Variants in CAGE1 observed in about 807,000 individuals in gnomAD.
CAGE1 encodes cancer antigen 1, also known as cancer-associated gene 1 protein.
A neutral mutation model predicts 94.9 loss-of-function variants in CAGE1; 66 were observed. The observed-to-expected ratio is 0.70, with a 90% CI of 0.57 to 0.85. CAGE1 has a LOEUF of 0.85. Among genes scored for constraint, CAGE1 ranks in the 40% least tolerant of loss-of-function variants. The pLI is 0.00. For missense variants in CAGE1, 865 were observed against 950.4 expected, an observed-to-expected ratio of 0.91 and a Z score of 1.18; for synonymous variants, 319 against 321.0, an observed-to-expected ratio of 0.99 and a Z score of 0.07.
At chr6:7,349,687 C>A (rs549946996) in intron 11 of CAGE1, among the ~76,000 whole-genome samples, 45 of 152,216 alleles carry the variant, frequency 3.0e-4, no homozygotes, top group African/African-American at 1.1e-3. Flanking sequence ...AATCCCAGCA[C>A]TTTTGGAGGC....
Position 7,339,220 on chromosome 6 carries a change from T to C in CAGE1, c.2370-5130A>G. On this transcript the variant is annotated intron_variant, in intron 11 of 13. Transcript: ENST00000502583. This position sits in a 1 kb window ranked among gnomAD's most constrained non-coding sequence, Gnocchi z 4.7. ...AACCGCGACACACCATAGCAGGCCC[T>C]CCGCACAGCAAGCCCTCCTAGGAGT... 1 of 1,568,594 alleles carries C rather than the reference T, an allele frequency of 6.4e-7. No individual in the cohort carries two copies.
rs1255788436 is a variant in CAGE1, at chr6:7,374,035, G to C, written c.784C>G (p.Pro262Ala). ...GAAGACCAAGTTGAGACAATTTCTG[G>C]CCTCTCCACACCCTCTGCTGTGACT... ...KEVTAEGVER[P>A]EIVSTWSSAG... Residue 262 changes from proline to alanine, a missense_variant, in exon 5 of 14, where the codon CCA (proline) becomes GCA (alanine). Transcript: ENST00000502583. The C allele has an allele frequency of 1.9e-6, 3 of 1,613,822 alleles. No individual in the cohort carries two copies. In the East Asian group the frequency reaches 6.7e-5, roughly 36 times the overall value.
intron 5 of CAGE1, among the ~76,000 whole-genome samples, chr6:7,371,979 T>A (rs1024213803): frequency 2.7e-5 from 4 of 148,034 alleles, no homozygotes; most frequent in African/African-American, 1.1e-4. Flanking sequence ...GGTTCTTCGC[T>A]GCCAAAAAAG....
intron 11 of CAGE1, among the ~76,000 whole-genome samples, chr6:7,344,015 G>A (rs1405686142): frequency 6.6e-6 from 1 of 152,228 alleles, no homozygotes; most frequent in Non-Finnish European, 1.5e-5. Flanking sequence ...GACAGATCTG[G>A]ACTTAAGTGT....
In CAGE1 at chr6:7,352,933, A is replaced by G. The variant is rs146238141; in HGVS notation, c.2369+2108T>C. ...GGACTTAAATCTAAGTGCTGAAACT[A>G]TAAAAATTCTAGAAGATAACATTGG... On this transcript the variant is annotated intron_variant, in intron 11 of 13. Coordinates refer to ENST00000502583, the MANE Select transcript of CAGE1 (RefSeq NM_001170692.2). Among the ~76,000 whole-genome samples the G allele has an allele frequency of 8.4e-4, 128 of 152,366 alleles. 1 individual carries two copies. Among genetic ancestry groups the G allele is most frequent in the African/African-American group, 2.6e-3 (109 of 41,594 alleles).
chr6:7,372,410 G>T (rs1471983559), intron 5 of CAGE1, among the ~76,000 whole-genome samples: 17 of 150,096 alleles, frequency 1.1e-4, no homozygotes, highest in African/African-American at 4.0e-4. Context: ...GGCAGAGGTT[G>T]CAGTGAGCCA....
At chr6:7,360,704 G>A (rs1760135248) in intron 9 of CAGE1, among the ~76,000 whole-genome samples, 1 of 152,174 alleles carries the variant, frequency 6.6e-6, no homozygotes, top group South Asian at 2.1e-4. Flanking sequence ...AACACTTTGG[G>A]AGGCCAAGGC....
intron 7 of CAGE1, among the ~76,000 whole-genome samples, 189 bp downstream of exon 7, chr6:7,368,499 C>T (rs144825280): frequency 0.011 from 1,705 of 152,070 alleles, 27 homozygotes; most frequent in African/African-American, 0.039. Flanking sequence ...TTTTCCCATA[C>T]AGACAAACAA....
chr6:7,379,748 A>C (rs1760870104), intron 3 of CAGE1, among the ~76,000 whole-genome samples: 1 of 152,174 alleles, frequency 6.6e-6, no homozygotes. Flanking sequence ...TGATTTATGT[A>C]TCCTAAATAA....
chr6:7,344,154 A>AT (rs1327961143), intron 11 of CAGE1, among the ~76,000 whole-genome samples: 1 of 152,202 alleles, frequency 6.6e-6, no homozygotes, highest in East Asian at 1.9e-4. Context: ...CTGCACTGTG[A>AT]GAGCCCCTTT....
Position 7,387,105 on chromosome 6 carries a change from A to G in CAGE1, c.69T>C (p.Ser23=). The G allele has an allele frequency of 6.4e-7, 1 of 1,551,396 alleles. No homozygotes were observed. Among genetic ancestry groups the G allele is most frequent in the Non-Finnish European group, 8.7e-7 (1 of 1,146,722 alleles). Residue 23 remains serine (S), a synonymous_variant, in exon 2 of 14, where the codon TCT becomes TCC. Transcript: ENST00000502583. ...CTGACATGCTTTCTACTTTTTCATG[A>G]GAAGTATCCACTTCAAAATGTACAG... ...SDPVHFEVDT[S]HEKVESMSES...
chr6:7,334,216 C>G, intron 11 of CAGE1, 126 bp from the exon 12 acceptor site: 1 of 550,676 alleles, frequency 1.8e-6, no homozygotes, highest in Non-Finnish European at 3.2e-6. Context: ...GCTATCCAAC[C>G]ACCTAACCAT....
intron 7 of CAGE1, among the ~76,000 whole-genome samples, chr6:7,367,991 T>A (rs1760408723): frequency 6.6e-6 from 1 of 152,024 alleles, no homozygotes; most frequent in Non-Finnish European, 1.5e-5. Flanking sequence ...TCCCAACACT[T>A]TAGGAGGCCA....
At chr6:7,341,956 A>T in intron 11 of CAGE1, 1 of 731,034 alleles carries the variant, frequency 1.4e-6, no homozygotes, top group South Asian at 1.3e-5. Flanking sequence ...TCTTTCAGTC[A>T]TCAGATCTAT....
rs1760198550 is a variant in CAGE1, at chr6:7,362,552, G to A, written c.2193+2916C>T. Among the ~76,000 whole-genome samples, 1 of 152,188 alleles carries A rather than the reference G, an allele frequency of 6.6e-6. No individual in the cohort carries two copies. The highest frequency in any genetic ancestry group is 6.5e-5 in the Admixed American group (1 of 15,280). Reference sequence around the variant, plus strand: ...AGGCCAGGCTGTGAATGGAGCAGATGGCAGGGTCAGAACTGTGAAGAGGAG... The same window carrying A: ...AGGCCAGGCTGTGAATGGAGCAGATAGCAGGGTCAGAACTGTGAAGAGGAG... On this transcript the variant is annotated intron_variant, in intron 9 of 13. Transcript: ENST00000502583. This position sits in a 1 kb window ranked among gnomAD's most constrained non-coding sequence, Gnocchi z 4.1.
chr6:7,341,440 T>A lies in CAGE1; in HGVS notation c.2370-7350A>T, dbSNP rs905437072. 8 of 989,650 alleles carry A rather than the reference T, an allele frequency of 8.1e-6. No homozygotes were observed. In the African/African-American group the frequency reaches 1.3e-4, roughly 16 times the overall value. The allele number at this position is 989,650 out of a possible 1,614,324, so 61.3% of individuals were successfully genotyped here. On this transcript the variant is annotated intron_variant, in intron 11 of 13. Transcript: ENST00000502583. ...ACACAGATAGCATGTAAATCTCATC[T>A]ATGATCACATGTAGGTTATACCTCT... is the stretch of plus-strand genomic sequence containing the variant.
intron 9 of CAGE1, among the ~76,000 whole-genome samples, chr6:7,358,058 A>G (rs867789595): frequency 0.016 from 1,829 of 112,284 alleles, 173 homozygotes; most frequent in African/African-American, 0.065. Flanking sequence ...ATATATATAT[A>G]TATATATATA....
chr6:7,372,839 G>C (rs899807876), intron 5 of CAGE1, among the ~76,000 whole-genome samples: 1 of 151,906 alleles, frequency 6.6e-6, no homozygotes, highest in African/African-American at 2.4e-5. Flanking sequence ...TGACAGATTG[G>C]CTGCTTTAAA....
At chr6:7,375,012 C>A (rs1043795523) in intron 4 of CAGE1, among the ~76,000 whole-genome samples, 1 of 151,524 alleles carries the variant, frequency 6.6e-6, no homozygotes, top group African/African-American at 2.4e-5. Context: ...CCAGCCTGGG[C>A]GATAGAGCGA....
Sources: gnomAD v4.1 joint callset for allele counts (sites outside exome capture counted in the v4.1 genomes callset) on GRCh38, gnomAD v4.1.1 for gene constraint, Gnocchi (gnomAD v3.1) non-coding constraint, MANE v1.5 for transcripts, NCBI Gene and HGNC (gene_info 2026-07-23, HGNC 2026-07-21) for gene names.